CYP3A5: variants seen among roughly 807,000 people sequenced by gnomAD.
The protein encoded by CYP3A5 is cytochrome P450 family 3 subfamily A member 5, also known as cytochrome P450 3A5.
In CYP3A5, 51 loss-of-function variants were observed where a neutral mutation model predicts 55.9. The ratio of observed to expected loss-of-function variants is 0.91; its 90% CI spans 0.73 to 1.15. CYP3A5 has a LOEUF of 1.15. Among genes scored for constraint, CYP3A5 ranks in the 50% most tolerant of loss-of-function variants. The pLI is 0.00. For missense variants in CYP3A5, 533 were observed against 596.6 expected (o/e 0.89, Z 1.11); for synonymous variants, 196 against 213.9 (o/e 0.92, Z 0.73).
Position 99,653,207 on chromosome 7 carries a change from A to G in CYP3A5, c.1027-428T>C, listed in dbSNP as rs1809358006. Among the ~76,000 whole-genome samples the G allele has an allele frequency of 6.6e-6, 1 of 152,214 alleles. No individual in the cohort carries two copies. The highest frequency in any genetic ancestry group is 1.5e-5 in the Non-Finnish European group (1 of 68,048). ...CAAATATCCTCTTCACACAAGGATTATTGGTTGCAGAGTCCTGCTTGGTAA... is the reference window on the plus strand; with the variant it reads ...CAAATATCCTCTTCACACAAGGATTGTTGGTTGCAGAGTCCTGCTTGGTAA... On this transcript the variant is annotated intron_variant, in intron 10 of 12. Transcript: ENST00000222982. The surrounding 1 kb of genome is among the most constrained non-coding windows in gnomAD (Gnocchi z 4.2).
At position 99,666,670 on chromosome 7, in the gene CYP3A5, T is replaced by A. The variant is rs199858062; in HGVS notation, c.452A>T (p.Gln151Leu). ...GTTTCTCACCAATACATCTCCATAC[T>A]GGGCAATGATGGGGAACATCTAAGC... ...KLKEMFPIIA[Q>L]YGDVLVRNLR... The change falls in exon 6 of 13, where the codon CAG (glutamine) becomes CTG (leucine). Residue 151 changes from glutamine to leucine, a missense_variant. Transcript: ENST00000222982. 6.2e-7 allele frequency: 1 copy of A among 1,614,070 alleles called. No homozygotes were observed. The highest frequency in any genetic ancestry group is 1.3e-5 in the African/African-American group (1 of 75,036).
intron 8 of CYP3A5, chr7:99,663,622 G>A: frequency 3.0e-6 from 3 of 1,001,814 alleles, no homozygotes; most frequent in Non-Finnish European, 3.6e-6. Flanking sequence ...ACCAATCTGT[G>A]ATATGAGGAA....
At chr7:99,659,341 C>T (rs971137709) in intron 10 of CYP3A5, 2 of 152,952 alleles carry the variant, frequency 1.3e-5, no homozygotes, top group African/African-American at 4.8e-5. Flanking sequence ...CGGAGGTCCA[C>T]TCCAGACCCT....
chr7:99,666,565 GA>G, intron 6 of CYP3A5, 35 bp downstream of exon 6: 1 of 1,602,820 alleles, frequency 6.2e-7, no homozygotes, highest in Non-Finnish European at 8.5e-7. Flanking sequence ...AAGGGCTCAT[GA>G]CAGCTCAGAA....
At chr7:99,660,088 A>G in intron 10 of CYP3A5, 1 of 525,534 alleles carries the variant, frequency 1.9e-6, no homozygotes, top group Non-Finnish European at 2.4e-6. Flanking sequence ...CCACTCTCCA[A>G]CAATCCCCAT....
At chr7:99,663,161 T>C (rs1810616118) in intron 8 of CYP3A5, 1 of 1,159,230 alleles carries the variant, frequency 8.6e-7, no homozygotes, top group Non-Finnish European at 1.1e-6. Flanking sequence ...GATACAGCTT[T>C]CTGGCCAAAG....
intron 12 of CYP3A5, among the ~76,000 whole-genome samples, chr7:99,649,396 G>A (rs1808944021): frequency 1.3e-5 from 2 of 152,200 alleles, no homozygotes; most frequent in South Asian, 4.1e-4. Flanking sequence ...AATGACATCT[G>A]TTCTTTAACT....
At chr7:99,672,878 A>G (rs2151445643) in intron 3 of CYP3A5, 199 bp from the exon 4 acceptor site, 1 of 1,394,722 alleles carries the variant, frequency 7.2e-7, no homozygotes, top group Non-Finnish European at 9.3e-7. Flanking sequence ...AAGGCTTCAT[A>G]TGATGAAGGG....
chr7:99,676,685 C>T, intron 1 of CYP3A5: 3 of 601,930 alleles, frequency 5.0e-6, no homozygotes. Flanking sequence ...GGTGACACTG[C>T]CCTTACAATT....
Position 99,664,065 on chromosome 7 carries a change from T to C in CYP3A5, c.701A>G (p.Glu234Gly). The C allele has an allele frequency of 6.3e-7, 1 of 1,594,378 alleles. No homozygotes were observed. Among genetic ancestry groups the C allele is most frequent in the South Asian group, 1.2e-5 (1 of 85,878 alleles). ...ILFPFLTPVF[E>G]ALNVSLFPKD... is the part of the protein sequence containing the mutation. ...TGGAAACAGAGAGACATTTAATGCTTCAAAAACTGGGGTAAGGAATGGAAA... is the reference window on the plus strand; with the variant it reads ...TGGAAACAGAGAGACATTTAATGCTCCAAAAACTGGGGTAAGGAATGGAAA... The change falls in exon 8 of 13, where the codon GAA (glutamate) becomes GGA (glycine). Residue 234 changes from glutamate to glycine, a missense_variant. By Grantham distance (98) the Glu-to-Gly change is moderately conservative. Coordinates refer to ENST00000222982, the MANE Select transcript of CYP3A5 (RefSeq NM_000777.5).
At chr7:99,650,341 T>A in intron 11 of CYP3A5, 109 bp from the exon 12 acceptor site, 1 of 959,238 alleles carries the variant, frequency 1.0e-6, no homozygotes, top group Non-Finnish European at 1.6e-6. Context: ...CAACCAGTAG[T>A]ACACAGGATA....
chr7:99,660,823 G>A (rs1022085892), intron 9 of CYP3A5, among the ~76,000 whole-genome samples, 164 bp from the exon 10 acceptor site: 1 of 152,104 alleles, frequency 6.6e-6, no homozygotes, highest in Non-Finnish European at 1.5e-5. Context: ...CTTATACAGG[G>A]CCAGGATGAC....
intron 2 of CYP3A5, among the ~76,000 whole-genome samples, chr7:99,675,033 C>T (rs111803027): frequency 1.2e-4 from 19 of 152,230 alleles, no homozygotes; most frequent in African/African-American, 3.9e-4. Flanking sequence ...CTCTCTAGAA[C>T]TCTAGCAGAA....
chr7:99,663,048 A>C (rs1810604563), intron 8 of CYP3A5, 166 bp from the exon 9 acceptor site: 2 of 1,357,192 alleles, frequency 1.5e-6, no homozygotes. Flanking sequence ...ACATTCATCT[A>C]AATCCTTGGA....
intron 10 of CYP3A5, among the ~76,000 whole-genome samples, chr7:99,654,476 T>C (rs1809513313): frequency 6.6e-6 from 1 of 152,252 alleles, no homozygotes; most frequent in African/African-American, 2.4e-5. Flanking sequence ...TAATCCAGTC[T>C]ATCATTATTG....
intron 3 of CYP3A5, chr7:99,673,007 T>A: frequency 4.7e-6 from 2 of 429,416 alleles, no homozygotes; most frequent in Non-Finnish European, 6.7e-6. Context: ...GGGTATCTCC[T>A]ATGCCACTCT....
At chr7:99,677,774 T>C (rs1812433299) in intron 1 of CYP3A5, among the ~76,000 whole-genome samples, 1 of 152,180 alleles carries the variant, frequency 6.6e-6, no homozygotes, top group Non-Finnish European at 1.5e-5. Flanking sequence ...AGTTCCCTCC[T>C]TTGTTGTCAC....
intron 4 of CYP3A5, among the ~76,000 whole-genome samples, chr7:99,669,850 A>G (rs1397155701): frequency 1.3e-5 from 2 of 152,216 alleles, no homozygotes; most frequent in Non-Finnish European, 1.5e-5. Flanking sequence ...ATAGCTACAG[A>G]TGCTGCCCTG....
At chr7:99,659,850 C>G (rs1272888250) in intron 10 of CYP3A5, 5 of 150,142 alleles carry the variant, frequency 3.3e-5, no homozygotes, top group African/African-American at 1.3e-4. Context: ...GAGCGAGGCT[C>G]CATGGGCGTA....
Sources: gnomAD v4.1 joint callset for allele counts (sites outside exome capture counted in the v4.1 genomes callset) on GRCh38, gnomAD v4.1.1 for gene constraint, Gnocchi (gnomAD v3.1) non-coding constraint, MANE v1.5 for transcripts, NCBI Gene and HGNC (gene_info 2026-07-23, HGNC 2026-07-21) for gene names.